ENTREP2: variants seen among roughly 807,000 people sequenced by gnomAD.
ENTREP2 encodes the protein protein ENTREP2.
At chr15:29,138,538 G>C in the ENTREP2 span, among the ~76,000 whole-genome samples, 2 of 151,966 alleles carry the variant, frequency 1.3e-5, no homozygotes, top group East Asian at 3.9e-4. Flanking sequence ...CTGTATGTGT[G>C]TGTTGTGTGT....
At chr15:29,611,867 G>A in the ENTREP2 span, among the ~76,000 whole-genome samples, 12 of 152,178 alleles carry the variant, frequency 7.9e-5, no homozygotes, top group South Asian at 8.3e-4. Flanking sequence ...AGCTTATTTC[G>A]TTGCCTTTAA....
At chr15:29,247,565 T>C in the ENTREP2 span, among the ~76,000 whole-genome samples, 1 of 152,194 alleles carries the variant, frequency 6.6e-6, no homozygotes, top group African/African-American at 2.4e-5. Context: ...TGAATATGAA[T>C]AAAAAGTCCA....
chr15:29,354,310 C>T, the ENTREP2 span, among the ~76,000 whole-genome samples: 1 of 152,164 alleles, frequency 6.6e-6, no homozygotes, highest in Non-Finnish European at 1.5e-5. Context: ...ACCAGCCTTC[C>T]AGGGTCTCCA....
chr15:29,629,264 CTAAT>C, the ENTREP2 span, among the ~76,000 whole-genome samples: 1 of 152,104 alleles, frequency 6.6e-6, no homozygotes, highest in Non-Finnish European at 1.5e-5. Flanking sequence ...CAGTTCGTCA[CTAAT>C]TATATTTTAC....
the ENTREP2 span, among the ~76,000 whole-genome samples, chr15:29,402,458 G>A: frequency 6.6e-6 from 1 of 152,100 alleles, no homozygotes; most frequent in African/African-American, 2.4e-5. Flanking sequence ...AGGGAATACA[G>A]GCATGCATCA....
the ENTREP2 span, among the ~76,000 whole-genome samples, chr15:29,466,809 C>G: frequency 1.7e-3 from 240 of 139,458 alleles, no homozygotes; most frequent in Non-Finnish European, 2.5e-3. Flanking sequence ...CTGCAGCCCC[C>G]AGGGGAGGGC....
the ENTREP2 span, among the ~76,000 whole-genome samples, chr15:29,448,113 A>AT: frequency 6.6e-6 from 1 of 152,108 alleles, no homozygotes; most frequent in Non-Finnish European, 1.5e-5. Context: ...AATTATTTAA[A>AT]TTTTTTTGAA....
the ENTREP2 span, among the ~76,000 whole-genome samples, chr15:29,654,389 ATATAT>A: frequency 1.3e-5 from 2 of 152,232 alleles, no homozygotes; most frequent in African/African-American, 4.8e-5. Context: ...GAGAATTCAT[ATATAT>A]TAAACAATTA....
chr15:29,204,160 G>A, the ENTREP2 span, among the ~76,000 whole-genome samples: 1 of 152,194 alleles, frequency 6.6e-6, no homozygotes, highest in Non-Finnish European at 1.5e-5. Flanking sequence ...ACCCCTCAGT[G>A]TTCGGGTCAT....
the ENTREP2 span, among the ~76,000 whole-genome samples, chr15:29,493,347 A>G: frequency 6.6e-6 from 1 of 150,706 alleles, no homozygotes; most frequent in East Asian, 2.1e-4. Flanking sequence ...TTTAGCCGGG[A>G]TGGTCTCGAT....
At chr15:29,221,342 T>TA in the ENTREP2 span, among the ~76,000 whole-genome samples, 1 of 151,898 alleles carries the variant, frequency 6.6e-6, no homozygotes, top group African/African-American at 2.4e-5. Flanking sequence ...GCTGGGATTA[T>TA]AGGTGCCCAC....
chr15:29,672,744 T>A, the ENTREP2 span, among the ~76,000 whole-genome samples: 5 of 151,938 alleles, frequency 3.3e-5, no homozygotes, highest in African/African-American at 1.2e-4. Flanking sequence ...GGGATCTGGG[T>A]TTTTAAGGAT....
At chr15:29,514,566 T>C in the ENTREP2 span, among the ~76,000 whole-genome samples, 1 of 152,322 alleles carries the variant, frequency 6.6e-6, no homozygotes, top group Non-Finnish European at 1.5e-5. Flanking sequence ...GAAGACCTAG[T>C]TTTAAACAGA....
At chr15:29,609,649 AATT>A in the ENTREP2 span, 3 of 149,838 alleles carry the variant, frequency 2.0e-5, no homozygotes, top group African/African-American at 7.3e-5. Context: ...ATTGTTACCC[AATT>A]ATTACTAATT....
chr15:29,146,392 C>T, the ENTREP2 span, among the ~76,000 whole-genome samples: 11 of 152,308 alleles, frequency 7.2e-5, no homozygotes, highest in East Asian at 7.7e-4. Context: ...CACGTCCACA[C>T]GTCAAAACTT....
At chr15:29,631,503 T>G in the ENTREP2 span, among the ~76,000 whole-genome samples, 1 of 152,200 alleles carries the variant, frequency 6.6e-6, no homozygotes, top group African/African-American at 2.4e-5. Context: ...TAGTCAAGTT[T>G]GTTAGTGTGC....
At chr15:29,239,128 C>T in the ENTREP2 span, among the ~76,000 whole-genome samples, 1 of 152,148 alleles carries the variant, frequency 6.6e-6, no homozygotes, top group Non-Finnish European at 1.5e-5. Flanking sequence ...GTTTATGCCA[C>T]ATGAAGGGAG....
the ENTREP2 span, among the ~76,000 whole-genome samples, chr15:29,410,929 G>T: frequency 2.6e-5 from 4 of 152,108 alleles, no homozygotes; most frequent in Admixed American, 6.5e-5. Context: ...GGGATTACAG[G>T]CGTGCGCCAC....
the ENTREP2 span, among the ~76,000 whole-genome samples, chr15:29,276,886 A>G: frequency 2.9e-4 from 44 of 152,344 alleles, no homozygotes; most frequent in African/African-American, 7.7e-4. Flanking sequence ...GTTAAAACCA[A>G]TGAGGAGTTT....
Sources: allele counts gnomAD v4.1 joint callset (sites outside exome capture counted in the v4.1 genomes callset), GRCh38; gene constraint gnomAD v4.1.1; transcripts MANE v1.5; gene names NCBI Gene and HGNC (gene_info 2026-07-23, HGNC 2026-07-21).